Variants in CNTNAP2 observed in about 807,000 individuals in gnomAD.
CNTNAP2 encodes the protein contactin associated protein 2.
Under a neutral mutation model 155.2 loss-of-function variants are expected in CNTNAP2, and 98 were observed. That is an observed-to-expected ratio of 0.63 (90% CI 0.54 to 0.75). The LOEUF is 0.75. Ranked by LOEUF, CNTNAP2 falls within the 30% of genes least tolerant of loss-of-function variation. CNTNAP2 has a pLI of 0.00. For missense variants in CNTNAP2, 1,727 were observed against 1,688.1 expected (o/e 1.02, Z -0.40); for synonymous variants, 651 against 631.2 (o/e 1.03, Z -0.47).
intron 2 of CNTNAP2, among the ~76,000 whole-genome samples, chr7:146,834,959 G>T (rs1275221318): frequency 6.6e-6 from 1 of 152,072 alleles, no homozygotes; most frequent in Non-Finnish European, 1.5e-5. Flanking sequence ...GAGAAAAAGG[G>T]AACTTTTCAT....
intron 15 of CNTNAP2, among the ~76,000 whole-genome samples, chr7:147,984,271 G>T (rs1438758945): frequency 6.6e-6 from 1 of 152,142 alleles, no homozygotes; most frequent in Non-Finnish European, 1.5e-5. Flanking sequence ...CCTGTATCTT[G>T]TGCCAACTTC....
At chr7:147,717,987 T>C (rs1796506517) in intron 13 of CNTNAP2, among the ~76,000 whole-genome samples, 3 of 152,208 alleles carry the variant, frequency 2.0e-5, no homozygotes, top group African/African-American at 7.2e-5. Context: ...AATTATATAC[T>C]TTATTATATC....
intron 12 of CNTNAP2, among the ~76,000 whole-genome samples, chr7:147,581,809 A>G (rs2095822187): frequency 6.6e-6 from 1 of 152,212 alleles, no homozygotes; most frequent in Non-Finnish European, 1.5e-5. Context: ...AATATACATT[A>G]TATACAAAGC....
At chr7:147,514,788 C>A (rs1799088937) in intron 11 of CNTNAP2, among the ~76,000 whole-genome samples, 1 of 152,074 alleles carries the variant, frequency 6.6e-6, no homozygotes, top group Admixed American at 6.6e-5. Context: ...CACGTCTACC[C>A]CATCAACTAG....
intron 1 of CNTNAP2, among the ~76,000 whole-genome samples, chr7:146,745,746 C>G (rs1225988662): frequency 7.1e-6 from 1 of 140,870 alleles, no homozygotes; most frequent in East Asian, 2.1e-4. Context: ...AGCCTGGCGA[C>G]AGAGCAAGAC....
intron 1 of CNTNAP2, among the ~76,000 whole-genome samples, chr7:146,753,542 C>T (rs1387968906): frequency 2.0e-5 from 3 of 151,958 alleles, no homozygotes; most frequent in Non-Finnish European, 4.4e-5. Flanking sequence ...AATGATTTGA[C>T]TTTCAATATT....
intron 15 of CNTNAP2, chr7:148,056,440 C>T (rs1246449980): frequency 1.3e-5 from 2 of 152,192 alleles, no homozygotes; most frequent in African/African-American, 4.8e-5. Flanking sequence ...TTGCTGGTAT[C>T]AAGATTACAT....
intron 1 of CNTNAP2, among the ~76,000 whole-genome samples, chr7:146,707,767 T>C (rs1351728137): frequency 6.6e-6 from 1 of 152,184 alleles, no homozygotes; most frequent in African/African-American, 2.4e-5. Context: ...AAAAGAAAGT[T>C]TTAAGCATTA....
At chr7:147,662,570 T>A (rs1795628917) in intron 13 of CNTNAP2, among the ~76,000 whole-genome samples, 1 of 152,210 alleles carries the variant, frequency 6.6e-6, no homozygotes, top group South Asian at 2.1e-4. Flanking sequence ...AGTGATACCA[T>A]CAGGTAGCAG....
At chr7:147,145,905 A>G (rs1400254938) in intron 8 of CNTNAP2, among the ~76,000 whole-genome samples, 1 of 152,146 alleles carries the variant, frequency 6.6e-6, no homozygotes, top group Non-Finnish European at 1.5e-5. Flanking sequence ...ATTCTAAGGC[A>G]TATTTTGTTA....
chr7:146,904,891 A>AGG (rs1357549459), intron 3 of CNTNAP2, among the ~76,000 whole-genome samples: 1 of 152,178 alleles, frequency 6.6e-6, no homozygotes, highest in Non-Finnish European at 1.5e-5. Context: ...AGCAGATAGA[A>AGG]GGGAACCAAG....
chr7:147,951,336 G>A (rs1394666720), intron 14 of CNTNAP2, among the ~76,000 whole-genome samples: 1 of 152,188 alleles, frequency 6.6e-6, no homozygotes, highest in African/African-American at 2.4e-5. Flanking sequence ...GCAAATTGAG[G>A]TATTTCTTCT....
chr7:148,387,491 T>A (rs1799238710), intron 22 of CNTNAP2, among the ~76,000 whole-genome samples: 1 of 152,200 alleles, frequency 6.6e-6, no homozygotes, highest in Non-Finnish European at 1.5e-5. Context: ...CTGGCTTGAC[T>A]AGAGGACATT....
chr7:146,836,368 C>A (rs1344307787), intron 2 of CNTNAP2, among the ~76,000 whole-genome samples: 1 of 152,062 alleles, frequency 6.6e-6, no homozygotes, highest in Non-Finnish European at 1.5e-5. Context: ...GTATGTACTG[C>A]TCTTCATACT....
At chr7:146,205,099 T>G (rs191182217) in intron 1 of CNTNAP2, among the ~76,000 whole-genome samples, 1 of 152,144 alleles carries the variant, frequency 6.6e-6, no homozygotes, top group African/African-American at 2.4e-5. Flanking sequence ...TATCTTCCTG[T>G]GATTTTCTGT....
chr7:146,697,084 G>C (rs1800794475), intron 1 of CNTNAP2, among the ~76,000 whole-genome samples: 4 of 151,990 alleles, frequency 2.6e-5, no homozygotes, highest in Admixed American at 2.6e-4. Flanking sequence ...GCTAATAGAG[G>C]GGTATCATAG....
At chr7:147,145,138 A>G (rs914159678) in intron 8 of CNTNAP2, among the ~76,000 whole-genome samples, 9 of 152,194 alleles carry the variant, frequency 5.9e-5, no homozygotes, top group Non-Finnish European at 1.0e-4. Flanking sequence ...TTAACTGTTA[A>G]GCAACAAAAT....
intron 1 of CNTNAP2, among the ~76,000 whole-genome samples, chr7:146,240,863 A>T (rs1241107310): frequency 6.6e-6 from 1 of 152,188 alleles, no homozygotes; most frequent in African/African-American, 2.4e-5. Flanking sequence ...TAAAGAAAAT[A>T]GGTTTAATTG....
rs267601389 is a variant in CNTNAP2 at position 148,147,540 on chromosome 7, G to A, written c.2604G>A (p.Glu868=). The A allele has an allele frequency of 5.6e-6, 9 of 1,614,092 alleles. No individual in the cohort carries two copies. The highest frequency in any genetic ancestry group is 1.1e-5 in the South Asian group (1 of 91,080). ...TTGATGTGGGAAATGGGCCAGTAGA[G>A]ATTGTAGTGAGGTCACCAACCCCTC... ...FSFDVGNGPV[E]IVVRSPTPLN... The change falls in exon 17 of 24, where the codon GAG becomes GAA. Residue 868 remains glutamate (E), a synonymous_variant. Coordinates refer to ENST00000361727, the MANE Select transcript of CNTNAP2 (RefSeq NM_014141.6).
Sources: allele counts gnomAD v4.1 joint callset (sites outside exome capture counted in the v4.1 genomes callset), GRCh38; gene constraint gnomAD v4.1.1; transcripts MANE v1.5; gene names NCBI Gene and HGNC (gene_info 2026-07-23, HGNC 2026-07-21).